The following CNIH3 variants were observed in gnomAD, a reference collection of about 807,000 sequenced individuals.
CNIH3 encodes protein cornichon homolog 3.
CNIH3 carries 14 observed loss-of-function variants against 24.1 expected under a neutral mutation model. The ratio of observed to expected loss-of-function variants is 0.58; its 90% CI spans 0.38 to 0.91. CNIH3 has a LOEUF of 0.91. Ranked by LOEUF, CNIH3 falls within the 40% of genes least tolerant of loss-of-function variation. The pLI, the probability that CNIH3 is intolerant of heterozygous loss-of-function variation, is 0.00. For missense variants in CNIH3, 178 were observed against 196.8 expected (o/e 0.90, Z 0.57); for synonymous variants, 68 against 73.8 (o/e 0.92, Z 0.40).
upstream of CNIH3, among the ~76,000 whole-genome samples, chr1:224,613,042 G>A (rs141853537): frequency 3.0e-3 from 452 of 152,206 alleles, 2 homozygotes; most frequent in African/African-American, 0.01. Context: ...TTTGTCACCC[G>A]AGGTGGGGTG....
Position 224,449,455 on chromosome 1 carries a change from G to C in CNIH3, n.203+14593G>C, listed in dbSNP as rs1448608289. Among the ~76,000 whole-genome samples, 3 of 151,946 alleles carry C rather than the reference G, an allele frequency of 2.0e-5. No individual in the cohort carries two copies. In the East Asian group the frequency reaches 5.8e-4, roughly 29 times the overall value. On this transcript the variant is annotated intron_variant and non_coding_transcript_variant, in intron 1 of 5. Transcript: ENST00000471578. ...TAGACAGTAGCCTCCTAAATGTTTTGTTCCTTTCTCTAATTTGTTGCCGTC... is the reference window on the plus strand; with the variant it reads ...TAGACAGTAGCCTCCTAAATGTTTTCTTCCTTTCTCTAATTTGTTGCCGTC...
At chr1:224,683,670 C>T (rs1014774509) in intron 2 of CNIH3, among the ~76,000 whole-genome samples, 6 of 152,220 alleles carry the variant, frequency 3.9e-5, no homozygotes, top group Non-Finnish European at 5.9e-5. Flanking sequence ...GAGGAATGCT[C>T]GGTTTTACTC....
Position 224,621,669 on chromosome 1 carries a change from G to A in CNIH3, c.81+4414G>A, listed in dbSNP as rs150985324. On this transcript the variant is annotated intron_variant, in intron 1 of 5. Coordinates refer to ENST00000272133, the MANE Select transcript of CNIH3 (RefSeq NM_152495.2). ...AAGGAAGCTCCATGAGAGCAGGGAC[G>A]TTTTCTACTTTACCATTGTTTCTCC... Among the ~76,000 whole-genome samples the A allele has an allele frequency of 1.1e-4, 17 of 152,288 alleles. No homozygotes were observed. In the East Asian group the frequency reaches 2.7e-3, roughly 24 times the overall value.
chr1:224,573,914 A>G (rs1161351118), intron 4 of CNIH3, among the ~76,000 whole-genome samples: 1 of 151,774 alleles, frequency 6.6e-6, no homozygotes, highest in Non-Finnish European at 1.5e-5. Context: ...CCTTTTTCAT[A>G]TGTTCTTTTA....
At position 224,458,721 on chromosome 1, in the gene CNIH3, T is replaced by G. The variant is rs181645821; in HGVS notation, n.203+23859T>G. ...AGGAACAGCAAACTTTTGTCTTGCTTGGATCCACCCACATACCCAAATCAC... is the reference window on the plus strand; with the variant it reads ...AGGAACAGCAAACTTTTGTCTTGCTGGGATCCACCCACATACCCAAATCAC... On this transcript the variant is annotated intron_variant and non_coding_transcript_variant, in intron 1 of 5. Coordinates refer to the CNIH3 transcript ENST00000471578. This position sits in a 1 kb window ranked among gnomAD's most constrained non-coding sequence, Gnocchi z 4.3. Among the ~76,000 whole-genome samples the G allele has an allele frequency of 7.4e-4, 112 of 152,322 alleles. 1 individual carries two copies. The highest frequency in any genetic ancestry group is 7.2e-4 in the Non-Finnish European group (49 of 68,018).
At chr1:224,437,381 G>A (rs1406341751) in intron 1 of CNIH3, among the ~76,000 whole-genome samples, 2 of 152,162 alleles carry the variant, frequency 1.3e-5, no homozygotes, top group African/African-American at 2.4e-5. Flanking sequence ...TCTTGTCCTT[G>A]AAATAGCAAA....
At chr1:224,627,119 T>A (rs1291705278) in intron 1 of CNIH3, among the ~76,000 whole-genome samples, 1 of 152,214 alleles carries the variant, frequency 6.6e-6, no homozygotes, top group African/African-American at 2.4e-5. Context: ...GGACACGTGT[T>A]GAGCGCATGA....
At chr1:224,477,584 CTTA>C (rs2103006781) in intron 1 of CNIH3, among the ~76,000 whole-genome samples, 1 of 152,258 alleles carries the variant, frequency 6.6e-6, no homozygotes, top group South Asian at 2.1e-4. Context: ...TGCATTTTAA[CTTA>C]TTGTTGTTTA....
At chr1:224,513,512 C>T (rs61825837), upstream of CNIH3, among the ~76,000 whole-genome samples, 6 of 151,874 alleles carry the variant, frequency 4.0e-5, no homozygotes, top group East Asian at 1.9e-4. Flanking sequence ...TTGCAATGCC[C>T]GAGCCCCACT....
intron 3 of CNIH3, among the ~76,000 whole-genome samples, chr1:224,602,599 A>G (rs1682251627): frequency 6.6e-6 from 1 of 152,218 alleles, no homozygotes; most frequent in Non-Finnish European, 1.5e-5. Context: ...TGACCCCTGT[A>G]ACAAAAGACA....
intron 1 of CNIH3, among the ~76,000 whole-genome samples, chr1:224,440,561 A>T (rs1326080462): frequency 2.0e-5 from 3 of 152,362 alleles, no homozygotes; most frequent in South Asian, 4.1e-4. Context: ...GGTAATCACC[A>T]TGTACTGATA....
At chr1:224,735,684 T>A (rs565873096) in intron 5 of CNIH3, among the ~76,000 whole-genome samples, 1 of 152,144 alleles carries the variant, frequency 6.6e-6, no homozygotes, top group Admixed American at 6.5e-5. Flanking sequence ...AAAGATGGGG[T>A]CTCACTGTTT....
At chr1:224,511,941 T>C (rs12141016), upstream of CNIH3, among the ~76,000 whole-genome samples, 41,635 of 151,468 alleles carry the variant, frequency 0.27, 6,952 homozygotes, top group African/African-American at 0.48. Context: ...TTTGGGAGGC[T>C]GAGGCGGGTG....
At chr1:224,615,804 A>G (rs1353884865), upstream of CNIH3, 1 of 152,324 alleles carries the variant, frequency 6.6e-6, no homozygotes, top group Non-Finnish European at 1.5e-5. Context: ...GGAGCAGAGC[A>G]GTAAACGCAG....
intron 1 of CNIH3, among the ~76,000 whole-genome samples, chr1:224,484,428 TA>T (rs546804957): frequency 2.5e-3 from 365 of 143,174 alleles, no homozygotes; most frequent in Middle Eastern, 0.011. Context: ...AGACTCTGTT[TA>T]AAAAAAAAAA....
intron 5 of CNIH3, among the ~76,000 whole-genome samples, chr1:224,739,116 T>C (rs1428321019): frequency 6.6e-6 from 1 of 152,064 alleles, no homozygotes; most frequent in African/African-American, 2.4e-5. Context: ...GGATACAATA[T>C]GCTCTCCCAA....
At chr1:224,509,962 C>T (rs774970659) in intron 1 of CNIH3, among the ~76,000 whole-genome samples, 1 of 152,202 alleles carries the variant, frequency 6.6e-6, no homozygotes, top group Non-Finnish European at 1.5e-5. Flanking sequence ...TTCCAGCCCT[C>T]GATGCACGAA....
chr1:224,638,713 T>C (rs1437356680), intron 1 of CNIH3, among the ~76,000 whole-genome samples: 4 of 152,196 alleles, frequency 2.6e-5, no homozygotes, highest in Non-Finnish European at 5.9e-5. Flanking sequence ...ATTAGGAAGC[T>C]TCAGGAAGCA....
At chr1:224,483,564 A>AT (rs916436617) in intron 1 of CNIH3, among the ~76,000 whole-genome samples, 65 of 141,646 alleles carry the variant, frequency 4.6e-4, no homozygotes, top group African/African-American at 5.9e-4. Flanking sequence ...TAATTTTTGT[A>AT]TTTTTTTTTT....
Sources: gnomAD v4.1 joint callset for allele counts (sites outside exome capture counted in the v4.1 genomes callset) on GRCh38, gnomAD v4.1.1 for gene constraint, Gnocchi (gnomAD v3.1) non-coding constraint, MANE v1.5 for transcripts, NCBI Gene and HGNC (gene_info 2026-07-23, HGNC 2026-07-21) for gene names.